The following RNF222 variants were observed in gnomAD, a reference collection of about 807,000 sequenced individuals.
The protein encoded by RNF222 is RING finger protein LOC643904.
RNF222 carries 14 observed loss-of-function variants against 10.8 expected under a neutral mutation model. The ratio of observed to expected loss-of-function variants is 1.30; its 90% CI spans 0.86 to 2.03. RNF222 has a LOEUF of 2.03. Among genes scored for constraint, RNF222 ranks in the 30% most tolerant of loss-of-function variants. The pLI is 0.00. For synonymous variants in RNF222, 141 were observed against 142.5 expected, an observed-to-expected ratio of 0.99 and a Z score of 0.07; for missense variants, 298 against 295.8, an observed-to-expected ratio of 1.01 and a Z score of -0.06.
In RNF222 at chr17:8,391,290, G is replaced by C. The variant is rs1014089977; in HGVS notation, c.*1509C>G. On this transcript the variant is annotated 3_prime_UTR_variant, in exon 3 of 3. Coordinates refer to ENST00000399398, the MANE Select transcript of RNF222 (RefSeq NM_001146684.3). ...CCACCTCGGCCTCCCAAAGTGCTGG[G>C]ATTACAGACATGAGCCACCGTGCCT... 2.0e-5 allele frequency: 3 copies of C among 152,224 alleles called. No homozygotes were observed. Among genetic ancestry groups the C allele is most frequent in the African/African-American group, 7.2e-5 (3 of 41,426 alleles). 9.4% of individuals were successfully genotyped at this position (152,224 alleles called of 1,614,324 possible).
At chr17:8,396,661 C>A (rs774346343) in intron 1 of RNF222, among the ~76,000 whole-genome samples, 1 of 152,182 alleles carries the variant, frequency 6.6e-6, no homozygotes, top group African/African-American at 2.4e-5. Flanking sequence ...ATCCTTCCCC[C>A]GTCCCGTGCT....
Position 8,391,398 on chromosome 17 carries a change from C to G in RNF222, c.*1401G>C, listed in dbSNP as rs1021627458. On this transcript the variant is annotated 3_prime_UTR_variant, in exon 3 of 3. Transcript: ENST00000399398. Reference sequence around the variant, plus strand: ...GCCCTCTCTATGTCCCAAATATCCCCTGTAGTGGGGCCCAATTCCCCAGCG... The same window carrying G: ...GCCCTCTCTATGTCCCAAATATCCCGTGTAGTGGGGCCCAATTCCCCAGCG... The G allele has an allele frequency of 1.3e-5, 2 of 152,132 alleles. No homozygotes were observed. Among genetic ancestry groups the G allele is most frequent in the African/African-American group, 2.4e-5 (1 of 41,406 alleles). 9.4% of individuals were successfully genotyped at this position (152,132 alleles called of 1,614,324 possible). A position where few individuals can be genotyped will look rare whatever the true frequency, so the allele number is the denominator to read the frequency against.
At chr17:8,395,431 T>C (rs951611467) in intron 1 of RNF222, among the ~76,000 whole-genome samples, 4 of 152,214 alleles carry the variant, frequency 2.6e-5, no homozygotes, top group Admixed American at 1.3e-4. Context: ...GGGAATTAAG[T>C]GAGCTAATGT....
chr17:8,393,874 C>T (rs1048743890), intron 2 of RNF222, among the ~76,000 whole-genome samples: 2 of 152,176 alleles, frequency 1.3e-5, no homozygotes, highest in Admixed American at 1.3e-4. Context: ...GAAAGGAAGT[C>T]CCTGTTACCA....
intron 1 of RNF222, among the ~76,000 whole-genome samples, 194 bp from the exon 2 acceptor site, chr17:8,394,523 C>T (rs1224588140): frequency 6.6e-6 from 1 of 151,432 alleles, no homozygotes; most frequent in African/African-American, 2.4e-5. Flanking sequence ...CTGCAACTTC[C>T]ACCTCCTGGG....
At chr17:8,394,676 G>C (rs1261259265) in intron 1 of RNF222, among the ~76,000 whole-genome samples, 1 of 152,212 alleles carries the variant, frequency 6.6e-6, no homozygotes, top group African/African-American at 2.4e-5. Flanking sequence ...GACCTCCGGT[G>C]ATCCGCCCGC....
Position 8,391,805 on chromosome 17 carries a change from C to G in RNF222, c.*994G>C, listed in dbSNP as rs948186669. ...TCGGTTGAGATGGCGGCGTCCCTGA[C>G]AAGCACAGCTGTTTTCCTCCCCACC... On this transcript the variant is annotated 3_prime_UTR_variant, in exon 3 of 3. Coordinates refer to ENST00000399398, the MANE Select transcript of RNF222 (RefSeq NM_001146684.3). The G allele has an allele frequency of 1.3e-5, 2 of 152,252 alleles. No individual in the cohort carries two copies. The highest frequency in any genetic ancestry group is 1.3e-4 in the Admixed American group (2 of 15,282). 9.4% of individuals were successfully genotyped at this position (152,252 alleles called of 1,614,324 possible). A position where few individuals can be genotyped will look rare whatever the true frequency, so the allele number is the denominator to read the frequency against.
chr17:8,392,853 C>A lies in RNF222; in HGVS notation c.609G>T (p.Val203=). The A allele has an allele frequency of 3.9e-6, 6 of 1,533,316 alleles. No homozygotes were observed. The highest frequency in any genetic ancestry group is 4.4e-6 in the Non-Finnish European group (5 of 1,146,324). 95.0% of individuals were successfully genotyped at this position (1,533,316 alleles called of 1,614,324 possible). The change falls in exon 3 of 3, where the codon GTG becomes GTT. Residue 203 remains valine (V), a synonymous_variant. Transcript: ENST00000399398. The surrounding 1 kb of genome is among the most constrained non-coding windows in gnomAD (Gnocchi z 4.3). ...ALLLITLIAV[V]AVVAAILPWV... Reference sequence around the variant, plus strand: ...AGGGCAGGATGGCGGCCACCACGGCCACCACAGCGATGAGCGTGATGAGCA... The same window carrying A: ...AGGGCAGGATGGCGGCCACCACGGCAACCACAGCGATGAGCGTGATGAGCA...
In RNF222 at chr17:8,391,819, TTCC is replaced by T. The variant is rs1218976357; in HGVS notation, c.*977_*979del. ...GGCGTCCCTGACAAGCACAGCTGTTTTCCTCCCCACCCTTCCTCACCCAGCCCA... is the reference window on the plus strand; with the variant it reads ...GGCGTCCCTGACAAGCACAGCTGTTTTCCCCACCCTTCCTCACCCAGCCCA... On this transcript the variant is annotated 3_prime_UTR_variant, in exon 3 of 3. Coordinates refer to ENST00000399398, the MANE Select transcript of RNF222 (RefSeq NM_001146684.3). 1 of 152,270 alleles carries T rather than the reference TTCC, an allele frequency of 6.6e-6. No individual in the cohort carries two copies. The allele number at this position is 152,270 out of a possible 1,614,324, so 9.4% of individuals were successfully genotyped here. A position where few individuals can be genotyped will look rare whatever the true frequency, so the allele number is the denominator to read the frequency against.
Position 8,392,454 on chromosome 17 carries a change from C to T in RNF222, c.*345G>A. The T allele has an allele frequency of 3.5e-6, 1 of 282,140 alleles. No individual in the cohort carries two copies. Among genetic ancestry groups the T allele is most frequent in the South Asian group, 5.1e-5 (1 of 19,686 alleles). 17.5% of individuals were successfully genotyped at this position (282,140 alleles called of 1,614,324 possible). A position where few individuals can be genotyped will look rare whatever the true frequency, so the allele number is the denominator to read the frequency against. On this transcript the variant is annotated 3_prime_UTR_variant, in exon 3 of 3. Transcript: ENST00000399398. The surrounding 1 kb of genome is among the most constrained non-coding windows in gnomAD (Gnocchi z 4.3). ...CAGGACTTTCTTGTCCCTGGAGGGGCCCACCTGGCTTTGGGCAGGTCACCT... is the reference window on the plus strand; with the variant it reads ...CAGGACTTTCTTGTCCCTGGAGGGGTCCACCTGGCTTTGGGCAGGTCACCT...
At chr17:8,397,003 A>G (rs900495395) in intron 1 of RNF222, among the ~76,000 whole-genome samples, 1 of 152,180 alleles carries the variant, frequency 6.6e-6, no homozygotes, top group African/African-American at 2.4e-5. Context: ...AAGTGGGACC[A>G]GTATTGAGCT....
Position 8,393,296 on chromosome 17 carries a change from G to C in RNF222, c.166C>G (p.Gln56Glu), listed in dbSNP as rs764535701. 39 of 1,551,410 alleles carry C rather than the reference G, an allele frequency of 2.5e-5. No individual in the cohort carries two copies. Among genetic ancestry groups the C allele is most frequent in the Admixed American group, 2.0e-4 (10 of 50,988 alleles). The change falls in exon 3 of 3, where the codon CAG becomes GAG. Residue 56 changes from glutamine to glutamate, a missense_variant. By Grantham distance (29) the Gln-to-Glu change is conservative. Transcript: ENST00000399398. The stretch of plus-strand genomic sequence containing the variant: ...CAGATGGGGCAGACCAGGGTCCTCT[G>C]GACCTGCCCATCCACGCGGGTGGAC... The part of the protein sequence containing the change: ...LLSTRVDGQV[Q>E]RTLVCPICRY...
chr17:8,392,532 C>A lies in RNF222; in HGVS notation c.*267G>T. The A allele has an allele frequency of 2.0e-6, 1 of 495,438 alleles. No individual in the cohort carries two copies. Among genetic ancestry groups the A allele is most frequent in the Admixed American group, 3.8e-5 (1 of 26,146 alleles). 30.7% of individuals were successfully genotyped at this position (495,438 alleles called of 1,614,324 possible). A position where few individuals can be genotyped will look rare whatever the true frequency, so the allele number is the denominator to read the frequency against. On this transcript the variant is annotated 3_prime_UTR_variant, in exon 3 of 3. Coordinates refer to ENST00000399398, the MANE Select transcript of RNF222 (RefSeq NM_001146684.3). This position sits in a 1 kb window ranked among gnomAD's most constrained non-coding sequence, Gnocchi z 4.3. ...GGTGAGCCTGCAGGAGGGCAGTGAC[C>A]ACCCATCTTCCCAGCCTAGAGGAAG...
At chr17:8,397,111 A>G (rs1485597982) in intron 1 of RNF222, among the ~76,000 whole-genome samples, 1 of 152,170 alleles carries the variant, frequency 6.6e-6, no homozygotes, top group Admixed American at 6.5e-5. Flanking sequence ...GATCCTGACA[A>G]CAAGGCTGGG....
Position 8,392,999 on chromosome 17 carries a change from G to A in RNF222, c.463C>T (p.His155Tyr), listed in dbSNP as rs1379556299. Residue 155 changes from histidine (H) to tyrosine (Y), a missense_variant, in exon 3 of 3, where the codon CAC (histidine) becomes TAC (tyrosine). Coordinates refer to ENST00000399398, the MANE Select transcript of RNF222 (RefSeq NM_001146684.3). This position sits in a 1 kb window ranked among gnomAD's most constrained non-coding sequence, Gnocchi z 4.3. ...RESQIFVISR[H>Y]GMPLGEQDSV... is the part of the protein sequence containing the mutation. ...TCCTGCTCCCCCAGGGGCATCCCGTGGCGGCTGATGACAAAGATCTGTGAC... is the reference window on the plus strand; with the variant it reads ...TCCTGCTCCCCCAGGGGCATCCCGTAGCGGCTGATGACAAAGATCTGTGAC... 6.7e-7 allele frequency: 1 copy of A among 1,502,706 alleles called. No homozygotes were observed. Among genetic ancestry groups the A allele is most frequent in the Admixed American group, 2.2e-5 (1 of 46,316 alleles). The allele number at this position is 1,502,706 out of a possible 1,614,324, so 93.1% of individuals were successfully genotyped here.
At chr17:8,395,874 C>T (rs1416774505) in intron 1 of RNF222, among the ~76,000 whole-genome samples, 1 of 152,200 alleles carries the variant, frequency 6.6e-6, no homozygotes, top group African/African-American at 2.4e-5. Context: ...TTTCATAACT[C>T]CCCAGAGTGT....
rs1434708844 is a variant in RNF222, at chr17:8,390,908, G to A, written c.*1891C>T. Reference sequence around the variant, plus strand: ...CACTGTTTAAAACAGCCTGGCTGAGGTTAAAAGAGACTCATTGGAGTCTTT... The same window carrying A: ...CACTGTTTAAAACAGCCTGGCTGAGATTAAAAGAGACTCATTGGAGTCTTT... On this transcript the variant is annotated 3_prime_UTR_variant, in exon 3 of 3. Transcript: ENST00000399398. The A allele has an allele frequency of 6.6e-6, 1 of 152,132 alleles. No individual in the cohort carries two copies. Among genetic ancestry groups the A allele is most frequent in the Non-Finnish European group, 1.5e-5 (1 of 68,018 alleles). 9.4% of individuals were successfully genotyped at this position (152,132 alleles called of 1,614,324 possible).
At chr17:8,393,990 A>T (rs1597502739) in intron 2 of RNF222, among the ~76,000 whole-genome samples, 188 bp downstream of exon 2, 1 of 152,032 alleles carries the variant, frequency 6.6e-6, no homozygotes, top group Non-Finnish European at 1.5e-5. Context: ...GCTAGTCTCA[A>T]CCTCTGCCCT....
chr17:8,393,871 A>G (rs1907954196), intron 2 of RNF222, among the ~76,000 whole-genome samples: 1 of 152,202 alleles, frequency 6.6e-6, no homozygotes, highest in African/African-American at 2.4e-5. Context: ...GAAGAAAGGA[A>G]GTCCCTGTTA....
Sources: gnomAD v4.1 joint callset for allele counts (sites outside exome capture counted in the v4.1 genomes callset) on GRCh38, gnomAD v4.1.1 for gene constraint, Gnocchi (gnomAD v3.1) non-coding constraint, MANE v1.5 for transcripts, NCBI Gene and HGNC (gene_info 2026-07-23, HGNC 2026-07-21) for gene names.